The following AFF1 variants were observed in gnomAD, a reference collection of about 807,000 sequenced individuals.
AFF1 encodes AF4/FMR2 family member 1.
AFF1 carries 48 observed loss-of-function variants against 121.7 expected under a neutral mutation model. The ratio of observed to expected loss-of-function variants is 0.39; its 90% CI spans 0.31 to 0.50. The LOEUF is 0.50. Ranked by LOEUF, AFF1 falls within the 20% of genes least tolerant of loss-of-function variation. The probability of loss-of-function intolerance (pLI) is 0.76; values close to 1 mark genes in which losing one functional copy is unlikely to be tolerated. For synonymous variants in AFF1, 613 were observed against 563.0 expected (o/e 1.09, Z -1.26); for missense variants, 1,523 against 1,511.7 (o/e 1.01, Z -0.12).
intron 2 of AFF1, among the ~76,000 whole-genome samples, chr4:86,975,594 T>C (rs929891055): frequency 8.5e-5 from 13 of 152,222 alleles, no homozygotes; most frequent in African/African-American, 2.7e-4. Context: ...CAAATAGTTA[T>C]TGAGGTTTTC....
chr4:87,113,694 A>G (rs767321001), intron 11 of AFF1, among the ~76,000 whole-genome samples: 25 of 152,212 alleles, frequency 1.6e-4, no homozygotes, highest in Non-Finnish European at 3.7e-4. Context: ...TTTGTCATGT[A>G]TAAATGTTTA....
At chr4:86,973,710 C>CT (rs1016494846) in intron 2 of AFF1, 2 of 152,082 alleles carry the variant, frequency 1.3e-5, no homozygotes, top group Admixed American at 1.3e-4. Context: ...TTAACGTTTT[C>CT]TTTCTTTTCT....
intron 2 of AFF1, among the ~76,000 whole-genome samples, chr4:86,991,424 G>A (rs1031694293): frequency 2.8e-5 from 4 of 145,370 alleles, no homozygotes; most frequent in South Asian, 4.6e-4. Context: ...CAGCCTGGGC[G>A]ACAGAGTGAG....
chr4:87,084,293 C>G, intron 5 of AFF1, 129 bp downstream of exon 5: 2 of 944,156 alleles, frequency 2.1e-6, no homozygotes, highest in Admixed American at 1.9e-5. Flanking sequence ...AATCCTAGCA[C>G]TTTGGGAGGC....
intron 8 of AFF1, among the ~76,000 whole-genome samples, chr4:87,099,893 C>T (rs568010928): frequency 1.3e-5 from 2 of 152,310 alleles, no homozygotes; most frequent in Middle Eastern, 6.8e-3. Flanking sequence ...CCAGAAAGGT[C>T]TCCCAGAGAG....
chr4:87,113,290 C>G (rs1726740645), intron 11 of AFF1, among the ~76,000 whole-genome samples: 1 of 148,864 alleles, frequency 6.7e-6, no homozygotes. Flanking sequence ...GATGTATGAC[C>G]TTTTTTTTTT....
chr4:86,963,246 C>G (rs192241154), intron 2 of AFF1, among the ~76,000 whole-genome samples: 66 of 149,466 alleles, frequency 4.4e-4, no homozygotes, highest in African/African-American at 1.4e-3. Context: ...ACTTTTTATC[C>G]TTTTAGGTTA....
At chr4:86,967,410 G>A (rs957992292) in intron 2 of AFF1, among the ~76,000 whole-genome samples, 1 of 152,228 alleles carries the variant, frequency 6.6e-6, no homozygotes, top group African/African-American at 2.4e-5. Context: ...AGGTCAGGAA[G>A]TGATCTGGTG....
At chr4:86,973,822 T>G (rs751244548) in intron 2 of AFF1, 30 of 151,950 alleles carry the variant, frequency 2.0e-4, no homozygotes, top group Non-Finnish European at 3.8e-4. Flanking sequence ...TTTTCCTTCA[T>G]GCCACAGATA....
intron 8 of AFF1, among the ~76,000 whole-genome samples, chr4:87,095,823 G>T (rs1724779908): frequency 6.6e-6 from 1 of 152,016 alleles, no homozygotes; most frequent in Non-Finnish European, 1.5e-5. Context: ...ACTTTCATAT[G>T]ACAGGAGCTG....
intron 2 of AFF1, among the ~76,000 whole-genome samples, chr4:87,014,182 C>T (rs1727083306): frequency 1.3e-5 from 2 of 152,098 alleles, no homozygotes; most frequent in South Asian, 4.1e-4. Context: ...TCATACAGCA[C>T]CTTCCCAAGA....
At chr4:86,965,633 A>G (rs190585378) in intron 2 of AFF1, among the ~76,000 whole-genome samples, 411 of 152,304 alleles carry the variant, frequency 2.7e-3, no homozygotes, top group Admixed American at 4.6e-3. Context: ...TGATAGTATC[A>G]TTATTAGGCT....
rs562812615 is a variant in AFF1, at chr4:86,955,836, C to T, written c.38+7265C>T. On this transcript the variant is annotated intron_variant, in intron 2 of 20. Coordinates refer to ENST00000395146, the MANE Select transcript of AFF1 (RefSeq NM_001166693.3). ...GGATTGGATTTTGTTAACCTTGCAT[C>T]ATATAGGATGGAATACTGTAGCCCC... Among the ~76,000 whole-genome samples the T allele has an allele frequency of 1.4e-4, 22 of 152,278 alleles. No homozygotes were observed. In the South Asian group the frequency reaches 1.5e-3, roughly 10 times the overall value.
At chr4:86,996,108 T>C (rs1459606024) in intron 2 of AFF1, among the ~76,000 whole-genome samples, 5 of 146,050 alleles carry the variant, frequency 3.4e-5, no homozygotes, top group Admixed American at 6.8e-5. Context: ...GGTGGGGGGG[T>C]CAGGCCCCCG....
intron 8 of AFF1, among the ~76,000 whole-genome samples, chr4:87,098,743 T>G (rs1725125401): frequency 6.6e-6 from 1 of 152,204 alleles, no homozygotes; most frequent in Non-Finnish European, 1.5e-5. Flanking sequence ...AAATTAGTCA[T>G]TATAGCAATT....
intron 2 of AFF1, among the ~76,000 whole-genome samples, chr4:87,040,831 C>A (rs923953633): frequency 4.0e-5 from 6 of 150,300 alleles, no homozygotes; most frequent in Non-Finnish European, 5.9e-5. Flanking sequence ...CCTCAGCCCC[C>A]CAAAGTGCTG....
At chr4:87,024,467 T>G (rs193107945) in intron 2 of AFF1, among the ~76,000 whole-genome samples, 1 of 152,276 alleles carries the variant, frequency 6.6e-6, no homozygotes, top group Admixed American at 6.5e-5. Flanking sequence ...ATGGGGAATT[T>G]GGAGAGAGAT....
chr4:86,993,851 C>T (rs1724911338), intron 2 of AFF1, among the ~76,000 whole-genome samples: 1 of 152,130 alleles, frequency 6.6e-6, no homozygotes, highest in Admixed American at 6.6e-5. Context: ...GTAATTCCAG[C>T]TACTCGGGAG....
At position 86,957,612 on chromosome 4, in the gene AFF1, C is replaced by T. The variant is rs143095149; in HGVS notation, c.38+9041C>T. 9.1e-3 allele frequency among the ~76,000 whole-genome samples: 1,390 copies of T among 152,020 alleles called. 18 individuals are homozygous for T. Among genetic ancestry groups the T allele is most frequent in the Admixed American group, 0.02 (304 of 15,260 alleles). ...GGCTGGAGTGCAGTGTTGTGATCTC[C>T]GCTCACTGCAACCTCTGCCTCTTGG... On this transcript the variant is annotated intron_variant, in intron 2 of 20. Coordinates refer to ENST00000395146, the MANE Select transcript of AFF1 (RefSeq NM_001166693.3).
Sources: allele counts gnomAD v4.1 joint callset (sites outside exome capture counted in the v4.1 genomes callset), GRCh38; gene constraint gnomAD v4.1.1; transcripts MANE v1.5; gene names NCBI Gene and HGNC (gene_info 2026-07-23, HGNC 2026-07-21).